The following PRKN variants were observed in gnomAD, a reference collection of about 807,000 sequenced individuals.
PRKN encodes the protein E3 ubiquitin-protein ligase parkin.
PRKN carries 56 observed loss-of-function variants against 59.5 expected under a neutral mutation model. The observed-to-expected ratio is 0.94, with a 90% confidence interval of 0.76 to 1.18. PRKN has a LOEUF of 1.18. PRKN is among the 50% of genes most tolerant of loss of function. The probability of loss-of-function intolerance (pLI) is 0.00; values close to 1 mark genes in which losing one functional copy is unlikely to be tolerated. For missense variants in PRKN, 657 were observed against 596.4 expected (o/e 1.10, Z -1.06); for synonymous variants, 250 against 222.1 (o/e 1.13, Z -1.12).
At chr6:162,162,607 C>A (rs4312964) in intron 4 of PRKN, among the ~76,000 whole-genome samples, 128,774 of 152,148 alleles carry the variant, frequency 0.85, 56,227 homozygotes, top group Non-Finnish European at 0.97. Context: ...ACATAATTTA[C>A]AATATAATAC....
At chr6:162,111,873 A>G (rs1265762910) in intron 4 of PRKN, among the ~76,000 whole-genome samples, 1 of 152,196 alleles carries the variant, frequency 6.6e-6, no homozygotes, top group Non-Finnish European at 1.5e-5. Context: ...TCCATAACTC[A>G]ACAGAATTCT....
chr6:162,432,158 G>A (rs1789563258), intron 2 of PRKN, among the ~76,000 whole-genome samples: 1 of 152,088 alleles, frequency 6.6e-6, no homozygotes, highest in Admixed American at 6.6e-5. Flanking sequence ...TTGAGTTGAA[G>A]GCAAAGGATA....
intron 1 of PRKN, among the ~76,000 whole-genome samples, chr6:162,708,325 G>A (rs1158304216): frequency 2.0e-5 from 3 of 152,170 alleles, no homozygotes; most frequent in African/African-American, 7.2e-5. Context: ...ATTAAGGCCT[G>A]TGAATAAACG....
At chr6:162,067,768 C>T (rs1321686680) in intron 4 of PRKN, among the ~76,000 whole-genome samples, 3 of 152,194 alleles carry the variant, frequency 2.0e-5, no homozygotes, top group Non-Finnish European at 4.4e-5. Flanking sequence ...GTGGGCAGTG[C>T]CACAGCCTTT....
intron 6 of PRKN, among the ~76,000 whole-genome samples, chr6:161,892,511 G>T (rs1777443217): frequency 1.3e-5 from 2 of 152,040 alleles, no homozygotes; most frequent in African/African-American, 2.4e-5. Context: ...TAAGAACTAG[G>T]GGCATTTTGC....
chr6:161,938,699 G>C (rs888138628), intron 6 of PRKN, among the ~76,000 whole-genome samples: 1 of 152,222 alleles, frequency 6.6e-6, no homozygotes, highest in Non-Finnish European at 1.5e-5. Context: ...TCTGATTTAT[G>C]GGTATGTGCC....
At chr6:161,403,925 C>T (rs1787156117) in intron 9 of PRKN, among the ~76,000 whole-genome samples, 1 of 152,126 alleles carries the variant, frequency 6.6e-6, no homozygotes, top group South Asian at 2.1e-4. Flanking sequence ...GGCCAGATGC[C>T]AGCATCATGC....
At chr6:161,811,536 C>A (rs973407703) in intron 6 of PRKN, among the ~76,000 whole-genome samples, 26 of 152,110 alleles carry the variant, frequency 1.7e-4, no homozygotes, top group African/African-American at 6.3e-4. Context: ...ACGATAGCAA[C>A]AGTAACATAA....
chr6:161,468,235 C>T lies in PRKN; in HGVS notation c.1083+80619G>A, dbSNP rs374903372. Among the ~76,000 whole-genome samples, 140 of 152,072 alleles carry T rather than the reference C, an allele frequency of 9.2e-4. 1 individual carries two copies. The highest frequency in any genetic ancestry group is 1.3e-3 in the Non-Finnish European group (86 of 67,960). ...TGATCCGCCCGCCTCAACCTCCCAA[C>T]GTGCTAGGATTACAGGCATGAGCCG... is the stretch of plus-strand genomic sequence containing the variant. On this transcript the variant is annotated intron_variant, in intron 9 of 11. Coordinates refer to ENST00000366898, the MANE Select transcript of PRKN (RefSeq NM_004562.3). The surrounding 1 kb of genome is among the most constrained non-coding windows in gnomAD (Gnocchi z 5.9).
chr6:162,615,369 C>T (rs1443386906), intron 1 of PRKN, among the ~76,000 whole-genome samples: 1 of 152,106 alleles, frequency 6.6e-6, no homozygotes, highest in African/African-American at 2.4e-5. Context: ...AAAATTTCAG[C>T]TATATACTCA....
At chr6:161,651,949 A>G (rs973729817) in intron 7 of PRKN, among the ~76,000 whole-genome samples, 15 of 152,238 alleles carry the variant, frequency 9.9e-5, no homozygotes, top group African/African-American at 3.6e-4. Context: ...AACATTCATC[A>G]CTGAGCATTT....
At chr6:162,403,142 G>T (rs1787881457) in intron 2 of PRKN, among the ~76,000 whole-genome samples, 1 of 152,174 alleles carries the variant, frequency 6.6e-6, no homozygotes, top group Admixed American at 6.5e-5. Context: ...TTGGTTTACA[G>T]CATGTCCATG....
chr6:162,113,984 T>C (rs964051011), intron 4 of PRKN, among the ~76,000 whole-genome samples: 12 of 151,922 alleles, frequency 7.9e-5, no homozygotes, highest in African/African-American at 2.7e-4. Flanking sequence ...CCTTTCCCCA[T>C]TGCTTGTTTT....
At chr6:161,504,440 TC>T (rs1778075985) in intron 9 of PRKN, among the ~76,000 whole-genome samples, 1 of 152,148 alleles carries the variant, frequency 6.6e-6, no homozygotes, top group Non-Finnish European at 1.5e-5. Flanking sequence ...AACCCTGTGT[TC>T]CCCAGACCTG....
intron 7 of PRKN, among the ~76,000 whole-genome samples, chr6:161,653,034 G>C (rs1044326618): frequency 5.9e-5 from 9 of 152,160 alleles, no homozygotes; most frequent in Non-Finnish European, 1.3e-4. Context: ...CTTATCATGA[G>C]CAATACCTCT....
rs1554275154 is a variant in PRKN, at chr6:161,550,738, C to CTGTGTGT, written c.934-1736_934-1735insACACACA. Among the ~76,000 whole-genome samples, 89 of 146,308 alleles carry CTGTGTGT rather than the reference C, an allele frequency of 6.1e-4. No homozygotes were observed. Among genetic ancestry groups the CTGTGTGT allele is most frequent in the African/African-American group, 2.0e-3 (78 of 38,750 alleles). Reference sequence around the variant, plus strand: ...AAGAAAGGGTATGTGTGTGTGTGCACGTGTGTGTGTGTGTGTGTGTGTGTA... The same window carrying CTGTGTGT: ...AAGAAAGGGTATGTGTGTGTGTGCACTGTGTGTGTGTGTGTGTGTGTGTGTGTGTGTA... On this transcript the variant is annotated intron_variant, in intron 8 of 11. Transcript: ENST00000366898. The surrounding 1 kb of genome is among the most constrained non-coding windows in gnomAD (Gnocchi z 4.0).
chr6:162,335,473 G>A (rs1023793008), intron 2 of PRKN, among the ~76,000 whole-genome samples: 2 of 152,134 alleles, frequency 1.3e-5, no homozygotes, highest in South Asian at 2.1e-4. Context: ...TTGTTTTACC[G>A]TGGTCTTCTG....
At chr6:162,579,487 C>G (rs1277097472) in intron 1 of PRKN, among the ~76,000 whole-genome samples, 1 of 151,644 alleles carries the variant, frequency 6.6e-6, no homozygotes, top group African/African-American at 2.4e-5. Context: ...CAGACTCACA[C>G]AGATTTACAC....
chr6:161,973,361 A>G lies in PRKN; in HGVS notation c.675T>C (p.Ala225=). 6.2e-7 allele frequency: 1 copy of G among 1,613,948 alleles called. No individual in the cohort carries two copies. Residue 225 remains alanine, a synonymous_variant, in exon 6 of 12, where the codon GCT becomes GCC. Coordinates refer to ENST00000366898, the MANE Select transcript of PRKN (RefSeq NM_004562.3). The part of the protein sequence containing the change: ...HPTSDKETSV[A]LHLIATNSRN... ...GACTATTTGTTGCGATCAGGTGCAA[A>G]GCTACTGATGTTTCCTTGTCAGAGG...
Sources: allele counts gnomAD v4.1 joint callset (sites outside exome capture counted in the v4.1 genomes callset), GRCh38; gene constraint gnomAD v4.1.1; non-coding constraint Gnocchi (gnomAD v3.1); transcripts MANE v1.5; gene names NCBI Gene and HGNC (gene_info 2026-07-23, HGNC 2026-07-21).